Variants in MRPS6 observed in about 807,000 individuals in gnomAD.
The protein encoded by MRPS6 is mitochondrial ribosomal protein S6, also known as small ribosomal subunit protein bS6m.
MRPS6 carries 6 observed loss-of-function variants against 13.1 expected under a neutral mutation model. That is an observed-to-expected ratio of 0.46 (90% CI 0.25 to 0.91). MRPS6 has a LOEUF of 0.91. Ranked by LOEUF, MRPS6 falls within the 40% of genes least tolerant of loss-of-function variation. MRPS6 has a pLI of 0.18. For synonymous variants in MRPS6, 61 were observed against 56.5 expected, an observed-to-expected ratio of 1.08 and a Z score of -0.36; for missense variants, 164 against 155.6, an observed-to-expected ratio of 1.05 and a Z score of -0.29.
intron 1 of MRPS6, among the ~76,000 whole-genome samples, chr21:34,085,326 G>A (rs1180932603): frequency 6.6e-6 from 1 of 152,170 alleles, no homozygotes. Flanking sequence ...TCATAGGGAT[G>A]TCAATGCATC....
intron 1 of MRPS6, chr21:34,100,674 GGTT>G (rs1979195466): frequency 1.0e-6 from 1 of 1,000,130 alleles, no homozygotes; most frequent in Non-Finnish European, 1.2e-6. Flanking sequence ...GAGTTGAGGG[GGTT>G]GTTATGCACT....
At chr21:34,100,622 GCTGGGAC>G in intron 1 of MRPS6, 1 of 1,000,220 alleles carries the variant, frequency 1.0e-6, no homozygotes, top group Non-Finnish European at 1.2e-6. Flanking sequence ...CAAGAAATTA[GCTGGGAC>G]CCATCACTCT....
chr21:34,135,137 T>TC (rs1408139869), intron 2 of MRPS6, among the ~76,000 whole-genome samples: 6 of 152,200 alleles, frequency 3.9e-5, no homozygotes, highest in Non-Finnish European at 7.3e-5. Context: ...TGCTGAGTAG[T>TC]ATGGCATTGT....
At chr21:34,080,367 G>GT (rs1019440918) in intron 1 of MRPS6, among the ~76,000 whole-genome samples, 2 of 152,006 alleles carry the variant, frequency 1.3e-5, no homozygotes, top group Non-Finnish European at 2.9e-5. Context: ...TCATCTTTCA[G>GT]TTTTTTTCCA....
intron 1 of MRPS6, among the ~76,000 whole-genome samples, chr21:34,115,433 C>T (rs1029697535): frequency 6.6e-6 from 1 of 152,196 alleles, no homozygotes; most frequent in Admixed American, 6.5e-5. Flanking sequence ...TTTTGGTGCA[C>T]TCTGATTCTG....
At chr21:34,131,516 C>T (rs956235668) in intron 2 of MRPS6, among the ~76,000 whole-genome samples, 1 of 152,082 alleles carries the variant, frequency 6.6e-6, no homozygotes, top group Non-Finnish European at 1.5e-5. Context: ...ATGCAGGGAG[C>T]GGGCATCAAG....
At chr21:34,100,576 A>G (rs1979190868) in intron 1 of MRPS6, 2 of 1,000,158 alleles carry the variant, frequency 2.0e-6, no homozygotes, top group Admixed American at 6.2e-5. Flanking sequence ...GAGCCTGGCC[A>G]GGGTCATGTA....
chr21:34,124,420 T>C (rs369990162), intron 1 of MRPS6: 1 of 152,174 alleles, frequency 6.6e-6, no homozygotes, highest in Admixed American at 6.5e-5. Flanking sequence ...TAGAGAGATA[T>C]CTGGAAAGAA....
At chr21:34,097,791 T>G in intron 1 of MRPS6, 1 of 1,000,956 alleles carries the variant, frequency 1.0e-6, no homozygotes, top group Non-Finnish European at 1.2e-6. Flanking sequence ...AAAAACTTAT[T>G]TCTTAGACAT....
intron 1 of MRPS6, among the ~76,000 whole-genome samples, chr21:34,076,496 T>C (rs1989335017): frequency 6.6e-6 from 1 of 152,202 alleles, no homozygotes; most frequent in African/African-American, 2.4e-5. Flanking sequence ...ATACTATGTT[T>C]TTCTCAGTTT....
At position 34,100,632 on chromosome 21, in the gene MRPS6, A is replaced by G. The variant is rs79471060; in HGVS notation, c.46-24709A>G. 1.8e-4 allele frequency: 185 copies of G among 1,000,244 alleles called. No homozygotes were observed. In the African/African-American group the frequency reaches 3.1e-3, roughly 17 times the overall value. 62.0% of individuals were successfully genotyped at this position (1,000,244 alleles called of 1,614,324 possible). On this transcript the variant is annotated intron_variant, in intron 1 of 2. Transcript: ENST00000399312. ...TACCTCAAGAAATTAGCTGGGACCC[A>G]TCACTCTGTGAAACTTCACATTTTA...
chr21:34,128,310 GA>G (rs1980378961), intron 2 of MRPS6, among the ~76,000 whole-genome samples: 1 of 152,144 alleles, frequency 6.6e-6, no homozygotes, highest in South Asian at 2.1e-4. Context: ...CTGTTCCAAT[GA>G]CTTCACTGTG....
intron 1 of MRPS6, chr21:34,095,754 A>G: frequency 1.2e-6 from 2 of 1,613,652 alleles, no homozygotes; most frequent in Non-Finnish European, 1.7e-6. Context: ...CTACACAGAC[A>G]CTCTGCAGGC....
At chr21:34,127,255 G>A (rs1980342425) in intron 2 of MRPS6, among the ~76,000 whole-genome samples, 1 of 152,176 alleles carries the variant, frequency 6.6e-6, no homozygotes, top group African/African-American at 2.4e-5. Flanking sequence ...CAGTGGGGGA[G>A]GTTCATGCTT....
chr21:34,099,350 T>A (rs1979125654), intron 1 of MRPS6: 1 of 1,000,168 alleles, frequency 1.0e-6, no homozygotes, highest in South Asian at 4.7e-5. Flanking sequence ...GGACTCATGG[T>A]TTGTTCAGAT....
intron 2 of MRPS6, among the ~76,000 whole-genome samples, chr21:34,139,886 A>G (rs1383964303): frequency 6.6e-6 from 1 of 152,090 alleles, no homozygotes; most frequent in Non-Finnish European, 1.5e-5. Context: ...CCTTGCAAAA[A>G]TTTTTTATAA....
At chr21:34,099,177 A>G (rs928356446) in intron 1 of MRPS6, 1 of 999,512 alleles carries the variant, frequency 1.0e-6, no homozygotes. Context: ...TGAAGAGCTT[A>G]GAGTGCCTTG....
intron 2 of MRPS6, chr21:34,135,478 A>G (rs183673942): frequency 4.0e-6 from 2 of 494,578 alleles, no homozygotes; most frequent in Non-Finnish European, 8.1e-6. Flanking sequence ...CTTCTTCTTG[A>G]TGGCAAAGGA....
At chr21:34,088,001 G>C (rs1321016417) in intron 1 of MRPS6, among the ~76,000 whole-genome samples, 1 of 152,134 alleles carries the variant, frequency 6.6e-6, no homozygotes, top group African/African-American at 2.4e-5. Context: ...AGATGGGGAG[G>C]ATTGAGAGTA....
Sources: gnomAD v4.1 joint callset for allele counts (sites outside exome capture counted in the v4.1 genomes callset) on GRCh38, gnomAD v4.1.1 for gene constraint, MANE v1.5 for transcripts, NCBI Gene and HGNC (gene_info 2026-07-23, HGNC 2026-07-21) for gene names.